ERBB4: variants seen among roughly 807,000 people sequenced by gnomAD.
ERBB4 encodes receptor tyrosine-protein kinase erbB-4.
ERBB4 carries 42 observed loss-of-function variants against 158.0 expected under a neutral mutation model. The observed-to-expected ratio is 0.27, with a 90% CI of 0.21 to 0.34. The LOEUF (loss-of-function observed/expected upper bound fraction) is 0.34, where lower values mean the gene tolerates loss of function less well. ERBB4 is among the 10% of genes least tolerant of loss of function. The pLI, the probability that ERBB4 is intolerant of heterozygous loss-of-function variation, is 1.00. For missense variants in ERBB4, 1,333 were observed against 1,624.1 expected (o/e 0.82, Z 3.08); for synonymous variants, 583 against 558.7 (o/e 1.04, Z -0.61).
At chr2:211,699,512 A>G (rs1482316429) in intron 12 of ERBB4, among the ~76,000 whole-genome samples, 2 of 152,184 alleles carry the variant, frequency 1.3e-5, no homozygotes, top group Non-Finnish European at 2.9e-5. Context: ...TGGAATTTTT[A>G]TGGATCCGGT....
chr2:212,040,783 T>C (rs1232937123), intron 2 of ERBB4, among the ~76,000 whole-genome samples: 1 of 152,164 alleles, frequency 6.6e-6, no homozygotes, highest in Admixed American at 6.6e-5. Flanking sequence ...TCTTTTCTCC[T>C]TGGGCTCTGC....
chr2:212,120,219 C>A (rs939608176), intron 2 of ERBB4, among the ~76,000 whole-genome samples: 1 of 152,154 alleles, frequency 6.6e-6, no homozygotes, highest in Non-Finnish European at 1.5e-5. Flanking sequence ...ATTCAAACCA[C>A]AAGACAAAAG....
chr2:212,104,415 A>C (rs997916201), intron 2 of ERBB4, among the ~76,000 whole-genome samples: 2 of 152,118 alleles, frequency 1.3e-5, no homozygotes, highest in Admixed American at 1.3e-4. Flanking sequence ...ATAAAAATTT[A>C]AATTAAATTA....
chr2:212,470,112 T>C (rs995793751), intron 1 of ERBB4, among the ~76,000 whole-genome samples: 2 of 152,146 alleles, frequency 1.3e-5, no homozygotes, highest in African/African-American at 4.8e-5. Flanking sequence ...GTTATACACC[T>C]ACAAGTAGAT....
chr2:211,743,551 T>C (rs1354001247), intron 5 of ERBB4, among the ~76,000 whole-genome samples: 2 of 152,212 alleles, frequency 1.3e-5, no homozygotes, highest in Non-Finnish European at 2.9e-5. Context: ...CTTTGTTTCT[T>C]TAATCATTAT....
chr2:212,488,315 G>A (rs965704404), intron 1 of ERBB4, among the ~76,000 whole-genome samples: 10 of 121,148 alleles, frequency 8.3e-5, no homozygotes, highest in African/African-American at 1.2e-4. Flanking sequence ...AAGTTTCCTC[G>A]CTCCTCTCTC....
chr2:212,447,763 T>C lies in ERBB4; in HGVS notation c.82+90686A>G, dbSNP rs1057263533. Among the ~76,000 whole-genome samples the C allele has an allele frequency of 5.7e-5, 8 of 141,310 alleles. No individual in the cohort carries two copies. The East Asian group carries it at 1.2e-3, about 21-fold the overall frequency. The allele number at this position is 141,310 out of a possible 152,430, so 92.7% of individuals were successfully genotyped here. Reference sequence around the variant, plus strand: ...TACATAGTACACTAAAATATAACTCTTCATAAAAGATTGTGTGTGTGTGTG... The same window carrying C: ...TACATAGTACACTAAAATATAACTCCTCATAAAAGATTGTGTGTGTGTGTG... On this transcript the variant is annotated intron_variant, in intron 1 of 27. Coordinates refer to ENST00000342788, the MANE Select transcript of ERBB4 (RefSeq NM_005235.3).
chr2:211,502,609 A>G (rs1559233554), intron 20 of ERBB4, among the ~76,000 whole-genome samples: 2 of 152,166 alleles, frequency 1.3e-5, no homozygotes, highest in Non-Finnish European at 2.9e-5. Context: ...CTACAGACTT[A>G]GAGAGTTCTA....
intron 2 of ERBB4, among the ~76,000 whole-genome samples, chr2:212,094,696 C>T (rs1297866174): frequency 6.6e-6 from 1 of 152,174 alleles, no homozygotes; most frequent in Non-Finnish European, 1.5e-5. Context: ...TCATCAGAAG[C>T]TAAGCAGGTG....
chr2:211,455,534 T>C (rs2064360362), intron 20 of ERBB4, among the ~76,000 whole-genome samples: 1 of 152,210 alleles, frequency 6.6e-6, no homozygotes, highest in Admixed American at 6.5e-5. Flanking sequence ...TTCAAATGTC[T>C]ATATGCTTAC....
chr2:212,457,944 A>T (rs1688381934), intron 1 of ERBB4, among the ~76,000 whole-genome samples: 1 of 151,900 alleles, frequency 6.6e-6, no homozygotes, highest in East Asian at 1.9e-4. Flanking sequence ...TTTATTATTT[A>T]TTATTTTTTA....
intron 13 of ERBB4, 117 bp downstream of exon 13, chr2:211,678,935 C>T: frequency 9.9e-7 from 1 of 1,006,354 alleles, no homozygotes; most frequent in Non-Finnish European, 1.4e-6. Flanking sequence ...CCGCTGCACT[C>T]CAGCCAGGGC....
intron 20 of ERBB4, among the ~76,000 whole-genome samples, chr2:211,483,032 A>G (rs145305989): frequency 2.2e-3 from 336 of 152,260 alleles, no homozygotes; most frequent in African/African-American, 7.0e-3. Context: ...TTAAGAAGCA[A>G]TAGACATAGA....
intron 20 of ERBB4, among the ~76,000 whole-genome samples, chr2:211,511,574 A>G (rs1194318956): frequency 1.3e-5 from 2 of 152,094 alleles, no homozygotes; most frequent in Non-Finnish European, 2.9e-5. Context: ...TTGAAAAGCT[A>G]TCTATAAATT....
At chr2:211,468,330 G>C (rs927899629) in intron 20 of ERBB4, among the ~76,000 whole-genome samples, 1 of 152,104 alleles carries the variant, frequency 6.6e-6, no homozygotes, top group African/African-American at 2.4e-5. Flanking sequence ...GTTGTGTTAA[G>C]AGAAGATAAG....
At chr2:211,826,928 A>G (rs1449704855) in intron 3 of ERBB4, among the ~76,000 whole-genome samples, 1 of 151,948 alleles carries the variant, frequency 6.6e-6, no homozygotes, top group African/African-American at 2.4e-5. Flanking sequence ...TTTGTAAAGG[A>G]CTTGTTCTTC....
At chr2:211,477,414 A>G (rs993727970) in intron 20 of ERBB4, among the ~76,000 whole-genome samples, 1 of 152,076 alleles carries the variant, frequency 6.6e-6, no homozygotes, top group Non-Finnish European at 1.5e-5. Context: ...CCTAATTAAT[A>G]CACTAAAGAT....
At chr2:212,486,398 G>T (rs1488803587) in intron 1 of ERBB4, among the ~76,000 whole-genome samples, 3 of 152,026 alleles carry the variant, frequency 2.0e-5, no homozygotes, top group African/African-American at 7.2e-5. Flanking sequence ...AAATAAGGCG[G>T]GGGAGGTGGC....
intron 3 of ERBB4, among the ~76,000 whole-genome samples, chr2:211,810,441 G>A (rs2076723311): frequency 6.6e-6 from 1 of 152,138 alleles, no homozygotes; most frequent in Non-Finnish European, 1.5e-5. Context: ...TTACCATTAT[G>A]TAATGGCCTT....
Sources: allele counts gnomAD v4.1 joint callset (sites outside exome capture counted in the v4.1 genomes callset), GRCh38; gene constraint gnomAD v4.1.1; transcripts MANE v1.5; gene names NCBI Gene and HGNC (gene_info 2026-07-23, HGNC 2026-07-21).